Variants in ANKRD30BL observed in about 807,000 individuals in gnomAD.
ANKRD30BL encodes putative ankyrin repeat domain-containing protein 30B-like.
ANKRD30BL carries 20 observed loss-of-function variants against 18.4 expected under a neutral mutation model. The ratio of observed to expected loss-of-function variants is 1.09; its 90% confidence interval spans 0.77 to 1.58. The LOEUF (loss-of-function observed/expected upper bound fraction) is 1.58, where lower values mean the gene tolerates loss of function less well. Ranked by LOEUF, ANKRD30BL falls within the 40% of genes most tolerant of loss-of-function variation. The pLI is 0.00. For missense variants in ANKRD30BL, 224 were observed against 268.6 expected, an observed-to-expected ratio of 0.83 and a Z score of 1.16; for synonymous variants, 72 against 100.9, an observed-to-expected ratio of 0.71 and a Z score of 1.72.
At chr2:132,198,942 A>ATT (rs1481035866) in intron 1 of ANKRD30BL, among the ~76,000 whole-genome samples, 1 of 152,108 alleles carries the variant, frequency 6.6e-6, no homozygotes, top group Non-Finnish European at 1.5e-5. Context: ...TTAAGGTTTC[A>ATT]TTTGTGTATT....
rs576786005 is a variant in ANKRD30BL, at chr2:132,257,502, G to GC, written n.441+26dup. 9.2e-3 allele frequency: 2,422 copies of GC among 262,766 alleles called. 59 individuals carry two copies. The highest frequency in any genetic ancestry group is 0.054 in the African/African-American group (2,286 of 42,182). 16.3% of individuals were successfully genotyped at this position (262,766 alleles called of 1,614,324 possible). On this transcript the variant is annotated intron_variant and non_coding_transcript_variant, in intron 1 of 4. Coordinates refer to the ANKRD30BL transcript ENST00000470729. ...CCCTGGGTCCCCACCGCGGAGGCTG[G>GC]CGGAACCCTTGCTTTCCCCCACTCA...
intron 1 of ANKRD30BL, among the ~76,000 whole-genome samples, chr2:132,242,724 T>C (rs1198502287): frequency 6.6e-6 from 1 of 151,532 alleles, no homozygotes; most frequent in Non-Finnish European, 1.5e-5. Context: ...ACATAAAAGC[T>C]ACACAGAAGC....
chr2:132,151,365 A>G (rs1687751908), intron 4 of ANKRD30BL, among the ~76,000 whole-genome samples: 1 of 152,164 alleles, frequency 6.6e-6, no homozygotes, highest in South Asian at 2.1e-4. Context: ...AGGTTATTAT[A>G]AAGATTTAAC....
At chr2:132,185,493 T>C (rs1688547485) in intron 1 of ANKRD30BL, among the ~76,000 whole-genome samples, 1 of 152,178 alleles carries the variant, frequency 6.6e-6, no homozygotes, top group Non-Finnish European at 1.5e-5. Flanking sequence ...GCAAAAGTCT[T>C]CCAAGTATGA....
At position 132,255,170 on chromosome 2, in the gene ANKRD30BL, C is replaced by T. The variant is rs79323389; in HGVS notation, n.441+2359G>A. Among the ~76,000 whole-genome samples, 253 of 152,322 alleles carry T rather than the reference C, an allele frequency of 1.7e-3. 1 individual carries two copies. Among genetic ancestry groups the T allele is most frequent in the African/African-American group, 5.7e-3 (237 of 41,578 alleles). On this transcript the variant is annotated intron_variant and non_coding_transcript_variant, in intron 1 of 4. Transcript: ENST00000470729. ...CGGTATCTGATCGTCTTCGAACCTC[C>T]GACTTTCGTTCTTGATTAATGAAAA...
intron 1 of ANKRD30BL, among the ~76,000 whole-genome samples, chr2:132,206,888 G>A (rs1268398819): frequency 1.4e-4 from 21 of 152,116 alleles, no homozygotes; most frequent in African/African-American, 4.8e-4. Context: ...GGTGATCACT[G>A]AGCTTCATTG....
At chr2:132,246,276 G>A (rs372234559) in intron 1 of ANKRD30BL, among the ~76,000 whole-genome samples, 1 of 150,196 alleles carries the variant, frequency 6.7e-6, no homozygotes, top group African/African-American at 2.4e-5. Flanking sequence ...GCTTTGAGGT[G>A]TACGGTGAAA....
chr2:132,210,143 A>C (rs1679306047), intron 1 of ANKRD30BL, among the ~76,000 whole-genome samples: 2 of 152,070 alleles, frequency 1.3e-5, no homozygotes, highest in African/African-American at 4.8e-5. Context: ...TTTTTGTAGA[A>C]TCTGCAAGTG....
At chr2:132,220,699 G>T (rs1179428939) in intron 1 of ANKRD30BL, among the ~76,000 whole-genome samples, 1 of 152,126 alleles carries the variant, frequency 6.6e-6, no homozygotes, top group African/African-American at 2.4e-5. Flanking sequence ...GCAGTGGCGT[G>T]ATCTCGGCTC....
intron 1 of ANKRD30BL, chr2:132,257,107 G>T (rs765682743): frequency 2.1e-6 from 1 of 483,082 alleles, no homozygotes. Context: ...TGAGCCCCAG[G>T]TCCCGCCATC....
intron 1 of ANKRD30BL, among the ~76,000 whole-genome samples, chr2:132,184,015 A>G (rs916619606): frequency 2.0e-5 from 3 of 152,148 alleles, no homozygotes; most frequent in African/African-American, 7.2e-5. Context: ...CAACTAACCA[A>G]GAAACTCCCA....
chr2:132,172,796 C>A (rs567273855), intron 1 of ANKRD30BL, among the ~76,000 whole-genome samples: 33 of 152,206 alleles, frequency 2.2e-4, no homozygotes, highest in Admixed American at 7.2e-4. Flanking sequence ...AAACCTCCGC[C>A]TCCCAGGTTC....
chr2:132,221,492 T>G (rs1679681176), intron 1 of ANKRD30BL, among the ~76,000 whole-genome samples: 1 of 114,352 alleles, frequency 8.7e-6, no homozygotes, highest in African/African-American at 4.2e-5. Flanking sequence ...CCGCCCCTAC[T>G]GGGAAGTGAG....
intron 1 of ANKRD30BL, among the ~76,000 whole-genome samples, chr2:132,204,006 G>A (rs1252280142): frequency 6.6e-6 from 1 of 152,272 alleles, no homozygotes; most frequent in Admixed American, 6.5e-5. Context: ...GTTTTCAAAT[G>A]AGAGTTATGG....
chr2:132,247,266 T>G (rs1361610297), intron 1 of ANKRD30BL, among the ~76,000 whole-genome samples: 2 of 152,092 alleles, frequency 1.3e-5, no homozygotes, highest in East Asian at 3.9e-4. Flanking sequence ...TTTTGTAGTA[T>G]CTGGAAGTGG....
upstream of ANKRD30BL, among the ~76,000 whole-genome samples, chr2:132,163,776 C>G (rs1031980608): frequency 3.9e-5 from 6 of 152,168 alleles, no homozygotes; most frequent in African/African-American, 1.4e-4. Context: ...CTACACAATG[C>G]CCAGCCCCAG....
chr2:132,239,446 C>A (rs1680250779), intron 1 of ANKRD30BL, among the ~76,000 whole-genome samples: 1 of 151,334 alleles, frequency 6.6e-6, no homozygotes, highest in Admixed American at 6.6e-5. Flanking sequence ...GCTTTGAGGT[C>A]TAGGTAGAAA....
chr2:132,188,700 C>G (rs1011384612), intron 1 of ANKRD30BL, among the ~76,000 whole-genome samples: 1 of 149,210 alleles, frequency 6.7e-6, no homozygotes, highest in African/African-American at 2.6e-5. Flanking sequence ...ATAGAGCGAG[C>G]CTCTGTCTCA....
At chr2:132,213,418 T>C (rs1262562633) in intron 1 of ANKRD30BL, among the ~76,000 whole-genome samples, 1 of 144,864 alleles carries the variant, frequency 6.9e-6, no homozygotes, top group Non-Finnish European at 1.5e-5. Flanking sequence ...ACTCTTTTTG[T>C]AGAACCCGCA....
Sources: allele counts gnomAD v4.1 joint callset (sites outside exome capture counted in the v4.1 genomes callset), GRCh38; gene constraint gnomAD v4.1.1; transcripts MANE v1.5; gene names NCBI Gene and HGNC (gene_info 2026-07-23, HGNC 2026-07-21).